LTBP3: variants seen among roughly 807,000 people sequenced by gnomAD.
LTBP3 encodes latent transforming growth factor beta binding protein 3, also known as latent-transforming growth factor beta-binding protein 3.
A neutral mutation model predicts 159.7 loss-of-function variants in LTBP3; 97 were observed. The observed-to-expected ratio is 0.61, with a 90% CI of 0.52 to 0.72. The LOEUF (loss-of-function observed/expected upper bound fraction) is 0.72, where lower values mean the gene tolerates loss of function less well. Ranked by LOEUF, LTBP3 falls within the 30% of genes least tolerant of loss-of-function variation. LTBP3 has a pLI of 0.00. For synonymous variants in LTBP3, 824 were observed against 777.1 expected, an observed-to-expected ratio of 1.06 and a Z score of -1.00; for missense variants, 1,584 against 1,864.3, an observed-to-expected ratio of 0.85 and a Z score of 2.77.
rs544297240 is a variant in LTBP3 at position 65,553,568 on chromosome 11, C to T, written c.865-38G>A. 2 of 1,507,820 alleles carry T rather than the reference C, an allele frequency of 1.3e-6. No individual in the cohort carries two copies. Among genetic ancestry groups the T allele is most frequent in the African/African-American group, 2.7e-5 (2 of 72,786 alleles). 93.4% of individuals were successfully genotyped at this position (1,507,820 alleles called of 1,614,324 possible). ...GGGGGAGGTGGGGTCACAGAGCACCCCGCCCCGGTGCCGCCTGTTAGGGTT... is the reference window on the plus strand; with the variant it reads ...GGGGGAGGTGGGGTCACAGAGCACCTCGCCCCGGTGCCGCCTGTTAGGGTT... On this transcript the variant is annotated intron_variant, in intron 3 of 27. Transcript: ENST00000301873. The surrounding 1 kb of genome is among the most constrained non-coding windows in gnomAD (Gnocchi z 6.5).
chr11:65,542,223 A>G (rs1214265070), intron 18 of LTBP3, among the ~76,000 whole-genome samples: 1 of 151,876 alleles, frequency 6.6e-6, no homozygotes, highest in African/African-American at 2.4e-5. Flanking sequence ...TCACCTCCCC[A>G]TTGCAATTAA....
chr11:65,538,881 G>C lies in LTBP3; in HGVS notation c.*199C>G. 1 of 1,030,938 alleles carries C rather than the reference G, an allele frequency of 9.7e-7. No individual in the cohort carries two copies. Among genetic ancestry groups the C allele is most frequent in the East Asian group, 3.1e-5 (1 of 31,912 alleles). 63.9% of individuals were successfully genotyped at this position (1,030,938 alleles called of 1,614,324 possible). On this transcript the variant is annotated 3_prime_UTR_variant, in exon 28 of 28. Coordinates refer to ENST00000301873, the MANE Select transcript of LTBP3 (RefSeq NM_001130144.3). ...ACCCTCTGGGAGGAAGGCAGGCAGC[G>C]CCCGCCGGAGACCTTACAACCGCCC...
In LTBP3 at chr11:65,538,955, CGGGA is replaced by C; in HGVS notation, c.*121_*124del. ...AGGGGCGCCTCGGGTCTCAAGGCGC[CGGGA>C]GGGTCTGCGGGCCCTGAAGGTCCCT... On this transcript the variant is annotated 3_prime_UTR_variant, in exon 28 of 28. Coordinates refer to ENST00000301873, the MANE Select transcript of LTBP3 (RefSeq NM_001130144.3). 1 of 1,313,072 alleles carries C rather than the reference CGGGA, an allele frequency of 7.6e-7. No homozygotes were observed. Among genetic ancestry groups the C allele is most frequent in the Admixed American group, 3.9e-5 (1 of 25,542 alleles). The allele number at this position is 1,313,072 out of a possible 1,614,324, so 81.3% of individuals were successfully genotyped here. A position where few individuals can be genotyped will look rare whatever the true frequency, so the allele number is the denominator to read the frequency against.
rs1469727153 is a variant in LTBP3, at chr11:65,543,426, C to A, written c.2476+1G>T. The A allele has an allele frequency of 6.2e-7, 1 of 1,613,896 alleles. No homozygotes were observed. Among genetic ancestry groups the A allele is most frequent in the African/African-American group, 1.3e-5 (1 of 74,864 alleles). Reference sequence around the variant, plus strand: ...AGCACCCCAGCTCTAAGATCCCTCACCCTCGCAGTGGCTCCGGTCCCTGGA... The same window carrying A: ...AGCACCCCAGCTCTAAGATCCCTCAACCTCGCAGTGGCTCCGGTCCCTGGA... On this transcript the variant is annotated splice_donor_variant, in intron 17 of 27. Transcript: ENST00000301873. LOFTEE classifies it high-confidence loss of function.
At position 65,543,197 on chromosome 11, in the gene LTBP3, G is replaced by A; in HGVS notation, c.2504C>T (p.Ala835Val). 6.2e-7 allele frequency: 1 copy of A among 1,614,132 alleles called. No individual in the cohort carries two copies. Among genetic ancestry groups the A allele is most frequent in the Non-Finnish European group, 8.5e-7 (1 of 1,180,006 alleles). ...ATTGATGCAGTCACCCCCAATGCAG[G>A]CTGCAGGGAAGTCACACTCATCAAT... The part of the protein sequence containing the change: ...EDIDECDFPA[A>V]CIGGDCINTN... The change falls in exon 18 of 28, where the codon GCC (alanine) becomes GTC (valine). Residue 835 changes from alanine (A) to valine (V), a missense_variant. Ala to Val is a moderately conservative substitution (Grantham distance 64). This residue lies in a region of LTBP3 where 565 missense variants were observed against 677.7 expected (regional missense o/e 0.83). Coordinates refer to ENST00000301873, the MANE Select transcript of LTBP3 (RefSeq NM_001130144.3).
chr11:65,541,994 G>A (rs1856155496), intron 18 of LTBP3: 1 of 448,908 alleles, frequency 2.2e-6, no homozygotes, highest in Admixed American at 3.3e-5. Context: ...ATGCAATTGA[G>A]CTTCCGATAC....
In LTBP3 at chr11:65,553,151, T is replaced by C. The variant is rs761226122; in HGVS notation, c.1063+13A>G. The C allele has an allele frequency of 5.5e-5, 88 of 1,613,326 alleles. No homozygotes were observed. Among genetic ancestry groups the C allele is most frequent in the Non-Finnish European group, 7.4e-5 (87 of 1,179,402 alleles). On this transcript the variant is annotated intron_variant, in intron 5 of 27. Transcript: ENST00000301873. The surrounding 1 kb of genome is among the most constrained non-coding windows in gnomAD (Gnocchi z 6.5). Reference sequence around the variant, plus strand: ...TGCCCCTCCAGCCCACAGAATCTCCTAGCTGGCCATACCCTGGCAGTGGGT... The same window carrying C: ...TGCCCCTCCAGCCCACAGAATCTCCCAGCTGGCCATACCCTGGCAGTGGGT...
chr11:65,554,304 A>G lies in LTBP3; in HGVS notation c.408T>C (p.Thr136=). 1 of 1,611,980 alleles carries G rather than the reference A, an allele frequency of 6.2e-7. No individual in the cohort carries two copies. Among genetic ancestry groups the G allele is most frequent in the Non-Finnish European group, 8.5e-7 (1 of 1,179,666 alleles). The change falls in exon 2 of 28, where the codon ACT becomes ACC. Residue 136 remains threonine, a synonymous_variant. Coordinates refer to ENST00000301873, the MANE Select transcript of LTBP3 (RefSeq NM_001130144.3). The surrounding 1 kb of genome is among the most constrained non-coding windows in gnomAD (Gnocchi z 5.3). The part of the protein sequence containing the change: ...RNQCLCPPDF[T]GRFCQVPAGG... ...CTGCGGGCACCTGGCAGAAGCGCCC[A>G]GTGAAGTCCGGGGGACACAGGCACT...
At chr11:65,555,150 C>T (rs1279375186) in intron 1 of LTBP3, among the ~76,000 whole-genome samples, 1 of 152,196 alleles carries the variant, frequency 6.6e-6, no homozygotes, top group Non-Finnish European at 1.5e-5. Context: ...CTCCCTAGGG[C>T]CACTGCTCCT....
rs1306827339 is a variant in LTBP3, at chr11:65,539,109, C to A, written c.3883G>T (p.Gly1295Trp). The change falls in exon 28 of 28, where the codon GGG (glycine) becomes TGG (tryptophan). Residue 1295 changes from glycine to tryptophan, a missense_variant. Gly to Trp is a radical substitution (Grantham distance 184, BLOSUM62 -2). Transcript: ENST00000301873. Reference sequence around the variant, plus strand: ...CGGCGGCGCTGGGGAACGCAGGCCCCGTGCGGGCGGCTGCGCGCGAAGCCG... The same window carrying A: ...CGGCGGCGCTGGGGAACGCAGGCCCAGTGCGGGCGGCTGCGCGCGAAGCCG... ...KAGFARSRPHGACVPQRRR is the reference protein window; with the variant it reads ...KAGFARSRPHWACVPQRRR The A allele has an allele frequency of 6.8e-7, 1 of 1,463,950 alleles. No individual in the cohort carries two copies. The highest frequency in any genetic ancestry group is 2.2e-5 in the Admixed American group (1 of 44,640). The allele number at this position is 1,463,950 out of a possible 1,614,324, so 90.7% of individuals were successfully genotyped here.
At chr11:65,548,076 C>A in intron 11 of LTBP3, 31 bp from the exon 12 acceptor site, 1 of 1,613,286 alleles carries the variant, frequency 6.2e-7, no homozygotes, top group Non-Finnish European at 8.5e-7. Flanking sequence ...AGCGGCAGAG[C>A]AGGGAGCGCT....
At position 65,558,044 on chromosome 11, in the gene LTBP3, C is replaced by G; in HGVS notation, c.-85G>C. ...CCGAAGGGAGTAGAGGGCCGGGAGC[C>G]CCGGGAGAGGGTAGGGGGCAGCGAG... On this transcript the variant is annotated 5_prime_UTR_variant, in exon 1 of 28. Transcript: ENST00000301873. The G allele has an allele frequency of 9.3e-7, 1 of 1,074,520 alleles. No individual in the cohort carries two copies. Among genetic ancestry groups the G allele is most frequent in the Non-Finnish European group, 1.1e-6 (1 of 886,430 alleles). 66.6% of individuals were successfully genotyped at this position (1,074,520 alleles called of 1,614,324 possible).
Position 65,557,965 on chromosome 11 carries a change from G to A in LTBP3, c.-6C>T. 9.5e-6 allele frequency: 11 copies of A among 1,152,296 alleles called. No individual in the cohort carries two copies. The highest frequency in any genetic ancestry group is 1.2e-5 in the Non-Finnish European group (11 of 940,262). 71.4% of individuals were successfully genotyped at this position (1,152,296 alleles called of 1,614,324 possible). On this transcript the variant is annotated 5_prime_UTR_variant, in exon 1 of 28. Coordinates refer to ENST00000301873, the MANE Select transcript of LTBP3 (RefSeq NM_001130144.3). ...GCCCCTCGGGGCCCGGGCATCCGGG[G>A]CCGCAGGACCCGGGGGAGGGGGGGC...
Position 65,552,373 on chromosome 11 carries a change from C to A in LTBP3, c.1220G>T (p.Arg407Leu). 6.2e-7 allele frequency: 1 copy of A among 1,613,870 alleles called. No individual in the cohort carries two copies. The highest frequency in any genetic ancestry group is 8.5e-7 in the Non-Finnish European group (1 of 1,179,974). Residue 407 changes from arginine (R) to leucine (L), a missense_variant, in exon 7 of 28, where the codon CGC becomes CTC. Physicochemically the swap from Arg to Leu is moderately radical, Grantham distance 102. Coordinates refer to ENST00000301873, the MANE Select transcript of LTBP3 (RefSeq NM_001130144.3). The surrounding 1 kb of genome is among the most constrained non-coding windows in gnomAD (Gnocchi z 6.0). The stretch of plus-strand genomic sequence containing the variant: ...GCACTGGTGCTCAGGGCTCACCAGG[C>A]GGAAACACAGGCTCTTCTCCTCCGG... ...DKPEEKSLCF[R>L]LVSPEHQCQH...
In LTBP3 at chr11:65,558,113, C is replaced by G. The variant is rs1856878489; in HGVS notation, c.-154G>C. The G allele has an allele frequency of 5.6e-6, 6 of 1,078,634 alleles. No individual in the cohort carries two copies. The highest frequency in any genetic ancestry group is 1.1e-4 in the Admixed American group (2 of 18,802). The allele number at this position is 1,078,634 out of a possible 1,614,324, so 66.8% of individuals were successfully genotyped here. ...CGGGCGGGAGGGGACCGCGGGGGCC[C>G]GGCGGGAGGCGCGGAGATGCAGACT... On this transcript the variant is annotated 5_prime_UTR_variant, in exon 1 of 28. Transcript: ENST00000301873.
chr11:65,553,314 A>G lies in LTBP3; in HGVS notation c.971-58T>C. 7.3e-7 allele frequency: 1 copy of G among 1,362,258 alleles called. No homozygotes were observed. The highest frequency in any genetic ancestry group is 1.0e-6 in the Non-Finnish European group (1 of 985,512). The allele number at this position is 1,362,258 out of a possible 1,614,324, so 84.4% of individuals were successfully genotyped here. On this transcript the variant is annotated intron_variant, in intron 4 of 27. Coordinates refer to ENST00000301873, the MANE Select transcript of LTBP3 (RefSeq NM_001130144.3). The surrounding 1 kb of genome is among the most constrained non-coding windows in gnomAD (Gnocchi z 6.5). Reference sequence around the variant, plus strand: ...TGAGGAGGGAACTGGGGAGGGGCACAGCAGATGTAGAGAGGAATCTGGTGA... The same window carrying G: ...TGAGGAGGGAACTGGGGAGGGGCACGGCAGATGTAGAGAGGAATCTGGTGA...
In LTBP3 at chr11:65,557,959, TCCGGGGCCGCAGGAC is replaced by T. The variant is rs1021816465; in HGVS notation, c.-15_-1del. 1 of 1,152,994 alleles carries T rather than the reference TCCGGGGCCGCAGGAC, an allele frequency of 8.7e-7. No individual in the cohort carries two copies. Among genetic ancestry groups the T allele is most frequent in the Non-Finnish European group, 1.1e-6 (1 of 940,752 alleles). The allele number at this position is 1,152,994 out of a possible 1,614,324, so 71.4% of individuals were successfully genotyped here. On this transcript the variant is annotated 5_prime_UTR_variant, in exon 1 of 28. Transcript: ENST00000301873. ...CCAGCAGCCCCTCGGGGCCCGGGCA[TCCGGGGCCGCAGGAC>T]CCGGGGGAGGGGGGGCGCGCCCGGG...
At chr11:65,542,629 G>A (rs866212987) in intron 18 of LTBP3, 220 of 251,358 alleles carry the variant, frequency 8.8e-4, no homozygotes, top group African/African-American at 4.6e-3. Context: ...CTCATGATCC[G>A]CCCGCCTCAG....
In LTBP3 at chr11:65,547,686, TCACCCACGCACGAGCGCCCCCCGG is replaced by T. The variant is rs780470772; in HGVS notation, c.1958_1978+3del. On this transcript the variant is annotated splice_donor_variant and splice_donor_region_variant and coding_sequence_variant and intron_variant, in exon 13 of 28. Transcript: ENST00000301873. LOFTEE classifies it high-confidence loss of function. This position sits in a 1 kb window ranked among gnomAD's most constrained non-coding sequence, Gnocchi z 4.6. ...AGGGCCGCCTCCGCCCTGGCGGCGC[TCACCCACGCACGAGCGCCCCCCGG>T]CGCCCACGTGCAGGCGGTAGCCGCG... The T allele has an allele frequency of 1.2e-6, 2 of 1,605,844 alleles. No individual in the cohort carries two copies.
Sources: allele counts gnomAD v4.1 joint callset (sites outside exome capture counted in the v4.1 genomes callset), GRCh38; gene constraint gnomAD v4.1.1; regional missense constraint gnomAD v4.1.1; non-coding constraint Gnocchi (gnomAD v3.1); transcripts MANE v1.5; gene names NCBI Gene and HGNC (gene_info 2026-07-23, HGNC 2026-07-21).